The following ENTREP2 variants were observed in gnomAD, a reference collection of about 807,000 sequenced individuals.
The protein encoded by ENTREP2 is endosomal transmembrane epsin interactor 2.
At chr15:29,415,690 G>T in the ENTREP2 span, among the ~76,000 whole-genome samples, 6 of 152,142 alleles carry the variant, frequency 3.9e-5, no homozygotes, top group Admixed American at 3.3e-4. Flanking sequence ...CATTCAATTA[G>T]GAAAAGAGGA....
the ENTREP2 span, chr15:29,265,750 G>C: frequency 6.6e-6 from 1 of 152,208 alleles, no homozygotes; most frequent in Admixed American, 6.5e-5. Context: ...AAAATACTGA[G>C]TGTCATAAAT....
At chr15:29,668,136 G>A in the ENTREP2 span, among the ~76,000 whole-genome samples, 5 of 152,182 alleles carry the variant, frequency 3.3e-5, no homozygotes, top group African/African-American at 1.2e-4. Context: ...TGGAAGAAAA[G>A]GGTGTCGTTG....
At chr15:29,190,997 G>A in the ENTREP2 span, among the ~76,000 whole-genome samples, 21 of 152,326 alleles carry the variant, frequency 1.4e-4, no homozygotes, top group Admixed American at 4.6e-4. Context: ...CAAAAGAGTA[G>A]AGCAGCCTCT....
chr15:29,450,232 G>A, the ENTREP2 span, among the ~76,000 whole-genome samples: 1 of 152,068 alleles, frequency 6.6e-6, no homozygotes, highest in Admixed American at 6.5e-5. Flanking sequence ...TCTTTTCTGT[G>A]CAGAAGCTCC....
At chr15:29,470,428 T>G in the ENTREP2 span, among the ~76,000 whole-genome samples, 6 of 152,146 alleles carry the variant, frequency 3.9e-5, no homozygotes, top group Non-Finnish European at 1.5e-5. Flanking sequence ...CCTTGCAAAC[T>G]TCATTCACCT....
chr15:29,639,696 A>G, the ENTREP2 span, among the ~76,000 whole-genome samples: 1 of 152,114 alleles, frequency 6.6e-6, no homozygotes, highest in African/African-American at 2.4e-5. Context: ...AGAATTAGAG[A>G]GGAATTTAAT....
chr15:29,350,898 C>T, the ENTREP2 span, among the ~76,000 whole-genome samples: 9 of 152,100 alleles, frequency 5.9e-5, no homozygotes, highest in African/African-American at 9.7e-5. Flanking sequence ...GCCAAGATCA[C>T]GCCACTGCAC....
At chr15:29,641,254 C>G in the ENTREP2 span, among the ~76,000 whole-genome samples, 2 of 152,100 alleles carry the variant, frequency 1.3e-5, no homozygotes, top group Admixed American at 1.3e-4. Flanking sequence ...CCCCTAAGAT[C>G]AAGATGTCTG....
the ENTREP2 span, among the ~76,000 whole-genome samples, chr15:29,514,567 T>G: frequency 6.6e-6 from 1 of 152,206 alleles, no homozygotes; most frequent in Non-Finnish European, 1.5e-5. Flanking sequence ...AAGACCTAGT[T>G]TTAAACAGAG....
chr15:29,119,480 G>A, the ENTREP2 span, among the ~76,000 whole-genome samples: 4 of 27,854 alleles, frequency 1.4e-4, 1 homozygote, highest in African/African-American at 2.0e-4. Flanking sequence ...GGATAGCATT[G>A]GGAGATATAC....
the ENTREP2 span, among the ~76,000 whole-genome samples, chr15:29,361,312 C>T: frequency 6.6e-6 from 1 of 152,170 alleles, no homozygotes; most frequent in African/African-American, 2.4e-5. Flanking sequence ...TTATGCTACC[C>T]AAGTACATAA....
chr15:29,333,998 G>A, the ENTREP2 span, among the ~76,000 whole-genome samples: 5 of 152,084 alleles, frequency 3.3e-5, no homozygotes, highest in Non-Finnish European at 5.9e-5. Context: ...GAAGCTAGGA[G>A]GGAGACCTGG....
At chr15:29,455,306 CAA>C in the ENTREP2 span, among the ~76,000 whole-genome samples, 66 of 152,188 alleles carry the variant, frequency 4.3e-4, no homozygotes, top group Non-Finnish European at 8.5e-4. Flanking sequence ...ATGAGCTCAG[CAA>C]AGAGAGCCAC....
chr15:29,231,890 C>CTTTTTTT, the ENTREP2 span, among the ~76,000 whole-genome samples: 6 of 136,858 alleles, frequency 4.4e-5, no homozygotes, highest in African/African-American at 1.4e-4. Context: ...CTTTTCTTTT[C>CTTTTTTT]TTTCTTTTTT....
the ENTREP2 span, among the ~76,000 whole-genome samples, chr15:29,137,819 G>C: frequency 1.3e-5 from 2 of 152,076 alleles, no homozygotes; most frequent in African/African-American, 4.8e-5. Flanking sequence ...CTAGGCAACA[G>C]ACTGGAGTGT....
At chr15:29,502,425 T>C in the ENTREP2 span, among the ~76,000 whole-genome samples, 1 of 151,784 alleles carries the variant, frequency 6.6e-6, no homozygotes, top group South Asian at 2.1e-4. Flanking sequence ...TTATACCATA[T>C]ACAAAAATTA....
the ENTREP2 span, among the ~76,000 whole-genome samples, chr15:29,612,205 C>T: frequency 6.6e-6 from 1 of 152,188 alleles, no homozygotes; most frequent in Non-Finnish European, 1.5e-5. Context: ...AGTCAGAATA[C>T]TGGGCTTTGT....
chr15:29,291,792 TATTTA>T, the ENTREP2 span, among the ~76,000 whole-genome samples: 1 of 152,236 alleles, frequency 6.6e-6, no homozygotes, highest in East Asian at 1.9e-4. Context: ...CGTGAATACC[TATTTA>T]TTTTGAATAT....
chr15:29,127,643 G>A, the ENTREP2 span, among the ~76,000 whole-genome samples: 13 of 152,272 alleles, frequency 8.5e-5, no homozygotes, highest in Admixed American at 4.6e-4. Context: ...CAGAAGCCTC[G>A]GTGCTGGAAG....
Sources: gnomAD v4.1 joint callset for allele counts (sites outside exome capture counted in the v4.1 genomes callset) on GRCh38, gnomAD v4.1.1 for gene constraint, MANE v1.5 for transcripts, NCBI Gene and HGNC (gene_info 2026-07-23, HGNC 2026-07-21) for gene names.